Variants in KYAT1 observed in about 807,000 individuals in gnomAD.
KYAT1 encodes kynurenine aminotransferase 1.
In KYAT1, 47 loss-of-function variants were observed where a neutral mutation model predicts 52.4. The ratio of observed to expected loss-of-function variants is 0.90; its 90% CI spans 0.71 to 1.14. The LOEUF (loss-of-function observed/expected upper bound fraction) is 1.14, where lower values mean the gene tolerates loss of function less well. Among genes scored for constraint, KYAT1 ranks in the 50% most tolerant of loss-of-function variants. KYAT1 has a pLI of 0.00. For synonymous variants in KYAT1, 212 were observed against 209.6 expected, an observed-to-expected ratio of 1.01 and a Z score of -0.10; for missense variants, 480 against 557.9, an observed-to-expected ratio of 0.86 and a Z score of 1.41.
chr9:128,836,251 T>TCTC, intron 7 of KYAT1, 178 bp from the exon 8 acceptor site: 2 of 469,214 alleles, frequency 4.3e-6, no homozygotes, highest in Admixed American at 3.8e-5. Context: ...CCTTCCTTCT[T>TCTC]TCTCTCTCTC....
chr9:128,838,188 T>C, intron 4 of KYAT1, 30 bp downstream of exon 4: 1 of 1,614,140 alleles, frequency 6.2e-7, no homozygotes. Flanking sequence ...GACCTCTCAG[T>C]CCCACTCAGC....
intron 1 of KYAT1, among the ~76,000 whole-genome samples, chr9:128,872,815 G>C (rs1837431305): frequency 7.1e-6 from 1 of 140,076 alleles, no homozygotes; most frequent in Non-Finnish European, 1.6e-5. Flanking sequence ...GCTCAGGCCT[G>C]TAATCCTAGA....
intron 3 of KYAT1, among the ~76,000 whole-genome samples, chr9:128,839,823 G>A (rs956701162): frequency 5.9e-5 from 9 of 152,226 alleles, no homozygotes; most frequent in African/African-American, 1.4e-4. Context: ...AGTATGAGGC[G>A]GGAGGGTTGC....
chr9:128,853,563 CA>C (rs1381936239), intron 1 of KYAT1, among the ~76,000 whole-genome samples: 2 of 152,164 alleles, frequency 1.3e-5, no homozygotes, highest in Non-Finnish European at 2.9e-5. Flanking sequence ...TCAGTTAAAT[CA>C]GCTGTTTAAT....
chr9:128,879,881 G>C (rs1000629123), intron 1 of KYAT1, among the ~76,000 whole-genome samples: 1 of 152,176 alleles, frequency 6.6e-6, no homozygotes, highest in African/African-American at 2.4e-5. Context: ...TTCTCCACCA[G>C]ATCCTCAGCC....
At chr9:128,858,393 T>TAAAAAAA (rs1403633530) in intron 1 of KYAT1, among the ~76,000 whole-genome samples, 1 of 476 alleles carries the variant, frequency 2.1e-3, no homozygotes, top group Non-Finnish European at 5.9e-3. Flanking sequence ...TGAGACCATG[T>TAAAAAAA]ATAAAAAAAA....
At chr9:128,865,767 C>T (rs1453224458) in intron 1 of KYAT1, among the ~76,000 whole-genome samples, 3 of 152,094 alleles carry the variant, frequency 2.0e-5, no homozygotes, top group Non-Finnish European at 4.4e-5. Flanking sequence ...GGTCCAGTGG[C>T]TCACATTTTA....
chr9:128,837,466 G>A (rs561623603), intron 6 of KYAT1, among the ~76,000 whole-genome samples: 155 of 152,308 alleles, frequency 1.0e-3, no homozygotes, highest in African/African-American at 3.3e-3. Flanking sequence ...GGGAAGTGAT[G>A]GTGGCTCCCA....
At chr9:128,863,353 C>A (rs1250021922) in intron 1 of KYAT1, among the ~76,000 whole-genome samples, 1 of 151,810 alleles carries the variant, frequency 6.6e-6, no homozygotes, top group Non-Finnish European at 1.5e-5. Flanking sequence ...TTCATGGAGG[C>A]TGGGCATGGT....
intron 11 of KYAT1, among the ~76,000 whole-genome samples, chr9:128,834,357 C>T (rs927737466): frequency 1.3e-5 from 2 of 152,200 alleles, no homozygotes; most frequent in Admixed American, 6.5e-5. Context: ...GAGGGAGGAT[C>T]ATGGAGCAGG....
intron 1 of KYAT1, among the ~76,000 whole-genome samples, chr9:128,863,122 C>A (rs557856905): frequency 6.6e-6 from 1 of 151,858 alleles, no homozygotes; most frequent in Non-Finnish European, 1.5e-5. Flanking sequence ...CCACCATGCC[C>A]GGCCAGAAGT....
upstream of KYAT1, chr9:128,882,314 C>T (rs1588185228): frequency 6.1e-6 from 1 of 163,488 alleles, no homozygotes; most frequent in South Asian, 2.0e-4. Flanking sequence ...TTACACACGC[C>T]CTCGGCCAGC....
At chr9:128,837,908 C>T (rs543015610) in intron 5 of KYAT1, 95 bp from the exon 6 acceptor site, 35 of 1,502,608 alleles carry the variant, frequency 2.3e-5, no homozygotes, top group Admixed American at 5.0e-5. Context: ...CCTGGGATCC[C>T]AACACACACA....
At chr9:128,837,062 G>C in intron 6 of KYAT1, 140 bp from the exon 7 acceptor site, 1 of 1,085,900 alleles carries the variant, frequency 9.2e-7, no homozygotes, top group Non-Finnish European at 1.3e-6. Flanking sequence ...GGGAGGCCGA[G>C]GCGGGCGGAA....
At chr9:128,879,024 C>T (rs953648350) in intron 1 of KYAT1, among the ~76,000 whole-genome samples, 5 of 151,994 alleles carry the variant, frequency 3.3e-5, no homozygotes, top group African/African-American at 9.7e-5. Flanking sequence ...AAAATTATGC[C>T]GGGAGGCCGG....
intron 6 of KYAT1, among the ~76,000 whole-genome samples, chr9:128,837,426 G>A (rs1372502406): frequency 1.3e-5 from 2 of 152,202 alleles, no homozygotes; most frequent in African/African-American, 4.8e-5. Context: ...GAGATACTTC[G>A]AGAGGCATAG....
intron 1 of KYAT1, among the ~76,000 whole-genome samples, chr9:128,866,779 G>T (rs150297030): frequency 6.6e-6 from 1 of 151,512 alleles, no homozygotes; most frequent in Non-Finnish European, 1.5e-5. Context: ...CGTGATGTGC[G>T]CCTGTAATCC....
At chr9:128,837,639 C>T (rs1438339888) in intron 6 of KYAT1, 46 bp downstream of exon 6, 3 of 1,610,932 alleles carry the variant, frequency 1.9e-6, no homozygotes, top group African/African-American at 1.3e-5. Flanking sequence ...GTGCAGGAGA[C>T]ATGACCAGGT....
intron 3 of KYAT1, among the ~76,000 whole-genome samples, chr9:128,841,618 C>T (rs1019428422): frequency 2.7e-5 from 4 of 149,958 alleles, no homozygotes; most frequent in African/African-American, 9.9e-5. Flanking sequence ...ATCTCTTGAA[C>T]CTGGGAGGGG....
Sources: gnomAD v4.1 joint callset for allele counts (sites outside exome capture counted in the v4.1 genomes callset) on GRCh38, gnomAD v4.1.1 for gene constraint, MANE v1.5 for transcripts, NCBI Gene and HGNC (gene_info 2026-07-23, HGNC 2026-07-21) for gene names.